The following DYNC2I1 variants were observed in gnomAD, a reference collection of about 807,000 sequenced individuals.
DYNC2I1 encodes dynein 2 intermediate chain 1, also known as cytoplasmic dynein 2 intermediate chain 1.
Under a neutral mutation model 133.4 loss-of-function variants are expected in DYNC2I1, and 89 were observed. That is an observed-to-expected ratio of 0.67 (90% CI 0.56 to 0.80). The LOEUF is 0.80. Among genes scored for constraint, DYNC2I1 ranks in the 30% least tolerant of loss-of-function variants. DYNC2I1 has a pLI of 0.00. For synonymous variants in DYNC2I1, 504 were observed against 484.3 expected, an observed-to-expected ratio of 1.04 and a Z score of -0.54; for missense variants, 1,291 against 1,314.5, an observed-to-expected ratio of 0.98 and a Z score of 0.28.
At chr7:158,937,831 C>T (rs1008182438) in intron 23 of DYNC2I1, among the ~76,000 whole-genome samples, 14 of 151,558 alleles carry the variant, frequency 9.2e-5, no homozygotes, top group Middle Eastern at 3.4e-3. Flanking sequence ...GCCTGGAAGG[C>T]CAAGGCTGCA....
At chr7:158,925,773 C>A (rs1461878503) in intron 17 of DYNC2I1, among the ~76,000 whole-genome samples, 1 of 152,144 alleles carries the variant, frequency 6.6e-6, no homozygotes, top group Non-Finnish European at 1.5e-5. Flanking sequence ...TTCACGTCCC[C>A]CTTCCCATCG....
Position 158,879,767 on chromosome 7 carries a change from A to C in DYNC2I1, c.657A>C (p.Arg219Ser). Residue 219 changes from arginine to serine, a missense_variant, in exon 5 of 25, where the codon AGA becomes AGC. Physicochemically the swap from Arg to Ser is moderately radical, Grantham distance 110. Coordinates refer to ENST00000407559, the MANE Select transcript of DYNC2I1 (RefSeq NM_018051.5). ...EEGERRHRKPREPDRDNKHRE... is the reference protein window; with the variant it reads ...EEGERRHRKPSEPDRDNKHRE... The stretch of plus-strand genomic sequence containing the variant: ...GCGAGAGGAGACACAGGAAGCCCAG[A>C]GAGCCAGATCGAGACAACAAACACC... 6.2e-7 allele frequency: 1 copy of C among 1,611,292 alleles called. No individual in the cohort carries two copies. The highest frequency in any genetic ancestry group is 2.2e-5 in the East Asian group (1 of 44,872).
At chr7:158,873,906 G>A (rs996916299) in intron 3 of DYNC2I1, among the ~76,000 whole-genome samples, 3 of 151,888 alleles carry the variant, frequency 2.0e-5, no homozygotes, top group African/African-American at 4.8e-5. Flanking sequence ...ATAAGCACAC[G>A]CCACCACACC....
intron 5 of DYNC2I1, 47 bp from the exon 6 acceptor site, chr7:158,884,517 T>C (rs1241208567): frequency 6.4e-7 from 1 of 1,570,328 alleles, no homozygotes; most frequent in Admixed American, 1.9e-5. Flanking sequence ...CTTACTTCAT[T>C]CCGATATGCT....
chr7:158,868,404 T>C (rs1221813485), intron 1 of DYNC2I1, among the ~76,000 whole-genome samples: 1 of 152,090 alleles, frequency 6.6e-6, no homozygotes, highest in Non-Finnish European at 1.5e-5. Context: ...TTCCGGAAGG[T>C]GAGGGCTTAG....
chr7:158,940,293 G>A (rs368423748), intron 23 of DYNC2I1, among the ~76,000 whole-genome samples: 3 of 152,004 alleles, frequency 2.0e-5, no homozygotes, highest in East Asian at 3.9e-4. Flanking sequence ...TAGATCCCTC[G>A]CATACACAGT....
rs1426494737 is a variant in DYNC2I1 at position 158,902,469 on chromosome 7, G to T, written c.1231G>T (p.Ala411Ser). Residue 411 changes from alanine (A) to serine (S), a missense_variant, in exon 10 of 25, where the codon GCT becomes TCT. By Grantham distance (99) the Ala-to-Ser change is moderately conservative. Coordinates refer to ENST00000407559, the MANE Select transcript of DYNC2I1 (RefSeq NM_018051.5). ...SREKLEELPL[A>S]QKKEIQEIQR... The stretch of plus-strand genomic sequence containing the variant: ...AGAAAAACTGGAAGAACTTCCTCTA[G>T]CTCAAAAAAAGGAAATACAAGAAAT... 1.2e-6 allele frequency: 2 copies of T among 1,613,872 alleles called. No individual in the cohort carries two copies. The highest frequency in any genetic ancestry group is 1.7e-6 in the Non-Finnish European group (2 of 1,179,852).
At chr7:158,846,394 A>G in the DYNC2I1 span, among the ~76,000 whole-genome samples, 1 of 152,234 alleles carries the variant, frequency 6.6e-6, no homozygotes, top group African/African-American at 2.4e-5. Flanking sequence ...AGAGAATCTT[A>G]TATGGTGAAT....
At chr7:158,890,186 A>G (rs1845063856) in intron 7 of DYNC2I1, among the ~76,000 whole-genome samples, 1 of 152,164 alleles carries the variant, frequency 6.6e-6, no homozygotes, top group Admixed American at 6.5e-5. Context: ...TTAAAAACAT[A>G]CAGAAGAAAC....
chr7:158,931,375 G>A (rs192602223), intron 21 of DYNC2I1, among the ~76,000 whole-genome samples: 235 of 152,192 alleles, frequency 1.5e-3, no homozygotes, highest in African/African-American at 5.4e-3. Context: ...ATGCATGCTT[G>A]GAGACTTTAA....
intron 21 of DYNC2I1, 59 bp from the exon 22 acceptor site, chr7:158,934,070 T>G: frequency 1.7e-6 from 2 of 1,186,576 alleles, no homozygotes; most frequent in Non-Finnish European, 2.5e-6. Context: ...GTTAATACCA[T>G]CATTATTCTT....
intron 1 of DYNC2I1, among the ~76,000 whole-genome samples, chr7:158,867,551 G>A (rs1041823349): frequency 1.3e-5 from 2 of 152,166 alleles, no homozygotes; most frequent in Non-Finnish European, 2.9e-5. Context: ...GGCGCTCCAG[G>A]TGGCGGCGAG....
intron 7 of DYNC2I1, among the ~76,000 whole-genome samples, chr7:158,890,595 ACTT>A (rs1002876471): frequency 1.3e-5 from 2 of 151,078 alleles, no homozygotes; most frequent in Non-Finnish European, 1.5e-5. Context: ...TTGGGTAGTG[ACTT>A]CTTTTTTTTT....
In DYNC2I1 at chr7:158,928,960, C is replaced by T. The variant is rs577800731; in HGVS notation, c.2486-1495C>T. Among the ~76,000 whole-genome samples, 10 of 152,180 alleles carry T rather than the reference C, an allele frequency of 6.6e-5. 1 individual carries two copies. The highest frequency in any genetic ancestry group is 9.6e-5 in the African/African-American group (4 of 41,514). ...TTCTGTCCATAGTCAGGTGATAATC[C>T]GGCTATGGAGACAAAATCATTTTGC... is the stretch of plus-strand genomic sequence containing the variant. On this transcript the variant is annotated intron_variant, in intron 20 of 24. Transcript: ENST00000407559.
intron 14 of DYNC2I1, among the ~76,000 whole-genome samples, chr7:158,915,348 G>T (rs1371925157): frequency 3.3e-5 from 4 of 119,890 alleles, no homozygotes; most frequent in South Asian, 3.0e-4. Context: ...GTGAAACGTC[G>T]ACACGCTGGT....
At chr7:158,932,951 G>A (rs1257149928) in intron 21 of DYNC2I1, among the ~76,000 whole-genome samples, 1 of 152,226 alleles carries the variant, frequency 6.6e-6, no homozygotes, top group African/African-American at 2.4e-5. Flanking sequence ...AGCAGGGAGG[G>A]TTGGGAGCAG....
chr7:158,866,914 A>C (rs73167262), intron 1 of DYNC2I1, among the ~76,000 whole-genome samples: 6,815 of 151,694 alleles, frequency 0.045, 213 homozygotes, highest in Admixed American at 0.091. Flanking sequence ...TAATATATTT[A>C]TGAGGTATTA....
chr7:158,923,184 G>A (rs1849264859), intron 16 of DYNC2I1, among the ~76,000 whole-genome samples: 1 of 152,186 alleles, frequency 6.6e-6, no homozygotes, highest in Non-Finnish European at 1.5e-5. Context: ...AAAAGCTGTA[G>A]AGAAGAATAA....
At chr7:158,881,611 T>A (rs1280348480) in intron 5 of DYNC2I1, among the ~76,000 whole-genome samples, 10 of 151,998 alleles carry the variant, frequency 6.6e-5, no homozygotes, top group African/African-American at 2.4e-4. Context: ...GTGCCACCAC[T>A]CCCGGCTAAT....
Sources: allele counts gnomAD v4.1 joint callset (sites outside exome capture counted in the v4.1 genomes callset), GRCh38; gene constraint gnomAD v4.1.1; transcripts MANE v1.5; gene names NCBI Gene and HGNC (gene_info 2026-07-23, HGNC 2026-07-21).